Variants in PRSS23 observed in about 807,000 individuals in gnomAD.
The protein encoded by PRSS23 is serine protease 23.
Under a neutral mutation model 34.7 loss-of-function variants are expected in PRSS23, and 25 were observed. The observed-to-expected ratio is 0.72, with a 90% CI of 0.53 to 1.01. The LOEUF (loss-of-function observed/expected upper bound fraction) is 1.01. PRSS23 is among the 50% of genes least tolerant of loss of function. PRSS23 has a pLI of 0.00. For synonymous variants in PRSS23, 176 were observed against 186.6 expected (o/e 0.94, Z 0.46); for missense variants, 445 against 475.6 (o/e 0.94, Z 0.60).
chr11:86,915,453 G>C (rs1949005241), intron 2 of PRSS23, among the ~76,000 whole-genome samples: 2 of 151,370 alleles, frequency 1.3e-5, no homozygotes, highest in African/African-American at 2.4e-5. Context: ...CTACTCTGGA[G>C]GCTTATAAGG....
chr11:86,819,506 A>G (rs1419147773), intron 1 of PRSS23, among the ~76,000 whole-genome samples: 2 of 152,188 alleles, frequency 1.3e-5, no homozygotes, highest in Non-Finnish European at 2.9e-5. Flanking sequence ...TGACATGAAT[A>G]TAAACCCATA....
chr11:86,839,777 A>T (rs1948433820), intron 2 of PRSS23, among the ~76,000 whole-genome samples: 1 of 151,546 alleles, frequency 6.6e-6, no homozygotes, highest in Non-Finnish European at 1.5e-5. Context: ...ACAAGCCAGA[A>T]GAGAGTGGGG....
chr11:86,815,067 A>G (rs1409379425), downstream of PRSS23, among the ~76,000 whole-genome samples: 1 of 152,210 alleles, frequency 6.6e-6, no homozygotes, highest in African/African-American at 2.4e-5. Context: ...GTGAAGAAAG[A>G]CTGAAGTGTT....
At chr11:86,828,807 G>A (rs1228587204) in intron 2 of PRSS23, among the ~76,000 whole-genome samples, 28 of 152,234 alleles carry the variant, frequency 1.8e-4, no homozygotes, top group East Asian at 5.8e-4. Context: ...TTCTTTAAGA[G>A]TGTTGAATAT....
Position 86,811,032 on chromosome 11 carries a change from C to T in PRSS23, c.*2237C>T, listed in dbSNP as rs1485698307. ...GAACCACATTTCCCAAAGTGTGCTC[C>T]TTAAACACTCATGCCTTATGATTTT... On this transcript the variant is annotated 3_prime_UTR_variant, in exon 2 of 2. Coordinates refer to ENST00000280258, the MANE Select transcript of PRSS23 (RefSeq NM_007173.6). 6.0e-6 allele frequency: 1 copy of T among 166,754 alleles called. No homozygotes were observed. 10.3% of individuals were successfully genotyped at this position (166,754 alleles called of 1,614,324 possible).
chr11:86,897,158 C>A (rs1054861712), intron 2 of PRSS23, among the ~76,000 whole-genome samples: 1 of 152,184 alleles, frequency 6.6e-6, no homozygotes, highest in African/African-American at 2.4e-5. Flanking sequence ...AGTCAGGTAA[C>A]CTTGGATACT....
chr11:86,935,976 G>A (rs1949159126), intron 2 of PRSS23: 2 of 152,218 alleles, frequency 1.3e-5, no homozygotes, highest in Non-Finnish European at 2.9e-5. Flanking sequence ...TCTAAGCACA[G>A]GGCTCTGAAT....
chr11:86,946,377 A>G lies in PRSS23; in HGVS notation c.207-4839A>G, dbSNP rs72963441. The stretch of plus-strand genomic sequence containing the variant: ...TTTAAAAGCTTTGAGGACATGGCTC[A>G]TATAGGACCCCAAAAAGGTCCTCTA... On this transcript the variant is annotated intron_variant, in intron 2 of 2. Transcript: ENST00000533902. 5,596 of 152,318 alleles carry G rather than the reference A, an allele frequency of 0.037. 140 individuals carry two copies. Among genetic ancestry groups the G allele is most frequent in the Non-Finnish European group, 0.06 (4,055 of 68,042 alleles). 9.4% of individuals were successfully genotyped at this position (152,318 alleles called of 1,614,324 possible). A position where few individuals can be genotyped will look rare whatever the true frequency, so the allele number is the denominator to read the frequency against.
Position 86,877,813 on chromosome 11 carries a change from C to T in PRSS23, c.206+54220C>T, listed in dbSNP as rs1410341311. ...AAACTCTTTTGGCTATTCAGGGTCC[C>T]TTGCAATTCCATATGAATTTTAGGA... On this transcript the variant is annotated intron_variant, in intron 2 of 2. Transcript: ENST00000533902. 4.1e-5 allele frequency among the ~76,000 whole-genome samples: 6 copies of T among 145,992 alleles called. No individual in the cohort carries two copies. The East Asian group carries it at 1.2e-3, about 30-fold the overall frequency.
chr11:86,857,958 G>A (rs1002528125), intron 2 of PRSS23: 20 of 401,992 alleles, frequency 5.0e-5, no homozygotes, highest in Admixed American at 2.7e-4. Context: ...TCCCAGTATC[G>A]CAGGGGGTTG....
chr11:86,808,897 TGTG>T lies in PRSS23; in HGVS notation c.*103_*105del. On this transcript the variant is annotated 3_prime_UTR_variant, in exon 2 of 2. Coordinates refer to ENST00000280258, the MANE Select transcript of PRSS23 (RefSeq NM_007173.6). ...TGGCGTGCACACGTGTGTGTGTGTG[TGTG>T]TGTGTGTGTAAGGTGTCTTATAATC... 1.1e-6 allele frequency: 1 copy of T among 923,374 alleles called. No individual in the cohort carries two copies. Among genetic ancestry groups the T allele is most frequent in the Non-Finnish European group, 1.7e-6 (1 of 596,082 alleles). The allele number at this position is 923,374 out of a possible 1,614,324, so 57.2% of individuals were successfully genotyped here. A position where few individuals can be genotyped will look rare whatever the true frequency, so the allele number is the denominator to read the frequency against.
At chr11:86,907,259 CTG>C (rs1948949546) in intron 2 of PRSS23, among the ~76,000 whole-genome samples, 3 of 152,304 alleles carry the variant, frequency 2.0e-5, no homozygotes, top group African/African-American at 7.2e-5. Flanking sequence ...GAAAGAAAAA[CTG>C]TTCGCTGTAG....
intron 2 of PRSS23, among the ~76,000 whole-genome samples, chr11:86,902,473 C>G (rs138009288): frequency 7.9e-4 from 120 of 152,256 alleles, no homozygotes; most frequent in Non-Finnish European, 1.5e-3. Flanking sequence ...TTCAGGTGTA[C>G]CTGGCTTTCT....
At chr11:86,831,806 C>T (rs1056368394) in intron 2 of PRSS23, among the ~76,000 whole-genome samples, 7 of 152,030 alleles carry the variant, frequency 4.6e-5, no homozygotes, top group African/African-American at 7.2e-5. Flanking sequence ...CTCCTAGTGT[C>T]GCAGCGGGTA....
intron 2 of PRSS23, chr11:86,912,140 G>A (rs945868013): frequency 6.6e-6 from 1 of 152,140 alleles, no homozygotes; most frequent in African/African-American, 2.4e-5. Context: ...AAGAAAGAGG[G>A]TGGTGATAAG....
At chr11:86,850,524 A>G (rs1273648031) in intron 2 of PRSS23, among the ~76,000 whole-genome samples, 1 of 152,198 alleles carries the variant, frequency 6.6e-6, no homozygotes, top group Non-Finnish European at 1.5e-5. Context: ...TGGATGAATA[A>G]TATTGAAGAT....
At chr11:86,796,412 C>T (rs1474210973), upstream of PRSS23, among the ~76,000 whole-genome samples, 5 of 151,938 alleles carry the variant, frequency 3.3e-5, no homozygotes, top group East Asian at 1.9e-4. Flanking sequence ...GAGGCCGAGG[C>T]GGGCGGATCA....
intron 2 of PRSS23, among the ~76,000 whole-genome samples, chr11:86,877,857 C>CA (rs11403638): frequency 0.44 from 55,380 of 125,630 alleles, 10,864 homozygotes; most frequent in East Asian, 0.54. Flanking sequence ...TTCATTTCTG[C>CA]AAAAAAAAAA....
chr11:86,806,986 G>A (rs771432423), intron 1 of PRSS23, among the ~76,000 whole-genome samples: 11 of 152,180 alleles, frequency 7.2e-5, no homozygotes, highest in Non-Finnish European at 1.3e-4. Context: ...ATATATAATA[G>A]TAAAGGTTGT....
Sources: allele counts gnomAD v4.1 joint callset (sites outside exome capture counted in the v4.1 genomes callset), GRCh38; gene constraint gnomAD v4.1.1; transcripts MANE v1.5; gene names NCBI Gene and HGNC (gene_info 2026-07-23, HGNC 2026-07-21).